The following TMEM45A variants were observed in gnomAD, a reference collection of about 807,000 sequenced individuals.
TMEM45A encodes the protein DNA polymerase-transactivated protein 4.
TMEM45A carries 25 observed loss-of-function variants against 32.0 expected under a neutral mutation model. The observed-to-expected ratio is 0.78, with a 90% CI of 0.57 to 1.09. The LOEUF (loss-of-function observed/expected upper bound fraction) is 1.09, where lower values mean the gene tolerates loss of function less well. Among genes scored for constraint, TMEM45A ranks in the 50% least tolerant of loss-of-function variants. TMEM45A has a pLI of 0.00. For synonymous variants in TMEM45A, 122 were observed against 114.8 expected (o/e 1.06, Z -0.40); for missense variants, 302 against 325.0 (o/e 0.93, Z 0.54).
At chr3:100,573,556 A>T (rs1467853404) in intron 5 of TMEM45A, 1 of 152,188 alleles carries the variant, frequency 6.6e-6, no homozygotes, top group Non-Finnish European at 1.5e-5. Flanking sequence ...AACAGGGACA[A>T]TTTGACCTCC....
rs1491524207 is a variant in TMEM45A at position 100,539,508 on chromosome 3, C to CGTATACGTATA, written c.-3-15700_-3-15690dup. 3.4e-4 allele frequency among the ~76,000 whole-genome samples: 28 copies of CGTATACGTATA among 82,784 alleles called. 1 individual carries two copies. The highest frequency in any genetic ancestry group is 1.5e-3 in the Admixed American group (11 of 7,330). 54.3% of individuals were successfully genotyped at this position (82,784 alleles called of 152,430 possible). ...ATGTATATGTATACGTATACGTATA[C>CGTATACGTATA]GTATACGTATATGTGGGGAACCATT... is the stretch of plus-strand genomic sequence containing the variant. On this transcript the variant is annotated intron_variant, in intron 1 of 5. Coordinates refer to ENST00000323523, the MANE Select transcript of TMEM45A (RefSeq NM_018004.3).
intron 1 of TMEM45A, among the ~76,000 whole-genome samples, chr3:100,531,211 A>G (rs972526269): frequency 1.3e-5 from 2 of 152,054 alleles, no homozygotes; most frequent in Admixed American, 6.6e-5. Context: ...AGTTTTTCCT[A>G]ATTATTTATC....
rs548516441 is a variant in TMEM45A at position 100,505,900 on chromosome 3, A to G, written c.-4+12972A>G. Among the ~76,000 whole-genome samples the G allele has an allele frequency of 5.7e-4, 87 of 152,256 alleles. No individual in the cohort carries two copies. The Middle Eastern group carries it at 0.014, about 24-fold the overall frequency. On this transcript the variant is annotated intron_variant, in intron 1 of 5. Transcript: ENST00000323523. ...AACTCAAGTGCAATTCAGACTCCCA[A>G]TTTGAGGAGAAGGTGTGAAGAGGCT... is the stretch of plus-strand genomic sequence containing the variant.
At position 100,555,194 on chromosome 3, in the gene TMEM45A, T is replaced by C. The variant is rs1028393183; in HGVS notation, c.-3-15T>C. 1.3e-6 allele frequency: 2 copies of C among 1,581,364 alleles called. No homozygotes were observed. Among genetic ancestry groups the C allele is most frequent in the Admixed American group, 3.7e-5 (2 of 53,514 alleles). On this transcript the variant is annotated splice_polypyrimidine_tract_variant and intron_variant, in intron 1 of 5. Transcript: ENST00000323523. ...TGAAATGTCTTTTACTTTCTGTGTG[T>C]TCTTATATTTGTAGATCATGGGGAA...
chr3:100,496,052 C>T (rs761343231), intron 1 of TMEM45A, among the ~76,000 whole-genome samples: 1 of 152,184 alleles, frequency 6.6e-6, no homozygotes, highest in Admixed American at 6.5e-5. Flanking sequence ...GCTTTCTCTT[C>T]CCTGAGAGCA....
At chr3:100,532,784 G>A (rs182985760) in intron 1 of TMEM45A, among the ~76,000 whole-genome samples, 1 of 152,084 alleles carries the variant, frequency 6.6e-6, no homozygotes, top group Non-Finnish European at 1.5e-5. Flanking sequence ...GTTTGACCTG[G>A]GCAAGTTTTT....
At chr3:100,550,194 A>AT (rs1224218313) in intron 1 of TMEM45A, among the ~76,000 whole-genome samples, 2 of 114,070 alleles carry the variant, frequency 1.8e-5, no homozygotes, top group African/African-American at 6.3e-5. Flanking sequence ...TTAAAGCATA[A>AT]TAAAAAAAAA....
At chr3:100,563,470 C>T (rs952808227) in intron 4 of TMEM45A, among the ~76,000 whole-genome samples, 13 of 152,292 alleles carry the variant, frequency 8.5e-5, no homozygotes, top group South Asian at 2.1e-4. Context: ...CTTCCCAGAT[C>T]GCAGGTCATG....
intron 1 of TMEM45A, among the ~76,000 whole-genome samples, chr3:100,550,084 T>C (rs1406527631): frequency 2.7e-5 from 4 of 145,794 alleles, no homozygotes; most frequent in African/African-American, 7.5e-5. Context: ...TTGGGAGATA[T>C]ACCTAATGCT....
At chr3:100,514,352 C>T (rs1395347188) in intron 1 of TMEM45A, among the ~76,000 whole-genome samples, 1 of 152,030 alleles carries the variant, frequency 6.6e-6, no homozygotes, top group Non-Finnish European at 1.5e-5. Context: ...CTTTGACAAA[C>T]CTGAGAAAAA....
chr3:100,546,245 G>T (rs1175455492), intron 1 of TMEM45A, among the ~76,000 whole-genome samples: 10 of 152,220 alleles, frequency 6.6e-5, no homozygotes. Flanking sequence ...GGGCAGCTTT[G>T]CTGACACCTT....
At chr3:100,536,765 G>T (rs1705746621) in intron 1 of TMEM45A, among the ~76,000 whole-genome samples, 1 of 152,172 alleles carries the variant, frequency 6.6e-6, no homozygotes. Flanking sequence ...GTCTCACATT[G>T]TCCCTTTCGA....
intron 1 of TMEM45A, 56 bp downstream of exon 1, chr3:100,492,984 G>A (rs943076148): frequency 6.6e-6 from 1 of 152,132 alleles, no homozygotes; most frequent in Admixed American, 6.5e-5. Context: ...TCTCTATCCT[G>A]TGTCTTTTTA....
At chr3:100,504,274 G>C (rs1708051072) in intron 1 of TMEM45A, among the ~76,000 whole-genome samples, 2 of 151,830 alleles carry the variant, frequency 1.3e-5, no homozygotes, top group African/African-American at 4.8e-5. Flanking sequence ...GTCTTGCTTG[G>C]ATATCGCCAC....
intron 1 of TMEM45A, among the ~76,000 whole-genome samples, chr3:100,496,597 A>G (rs1707932367): frequency 6.6e-6 from 1 of 152,234 alleles, no homozygotes. Context: ...ATTTGGAGAT[A>G]TTGATTTGGT....
At chr3:100,512,911 C>A (rs1376951348) in intron 1 of TMEM45A, among the ~76,000 whole-genome samples, 1 of 151,866 alleles carries the variant, frequency 6.6e-6, no homozygotes, top group Non-Finnish European at 1.5e-5. Context: ...TACACTCTCC[C>A]AAGACTAAAC....
chr3:100,565,032 G>T (rs1386118580), intron 4 of TMEM45A, among the ~76,000 whole-genome samples: 2 of 152,210 alleles, frequency 1.3e-5, no homozygotes, highest in Non-Finnish European at 2.9e-5. Context: ...GGTGAAAAGA[G>T]TATGGGTGGG....
intron 1 of TMEM45A, among the ~76,000 whole-genome samples, chr3:100,533,194 C>A (rs922632679): frequency 1.5e-4 from 23 of 151,882 alleles, no homozygotes; most frequent in African/African-American, 5.6e-4. Flanking sequence ...AGATAGGGGA[C>A]CCATGGTTTC....
In TMEM45A at chr3:100,577,048, AAC is replaced by A; in HGVS notation, c.*31_*32del. On this transcript the variant is annotated 3_prime_UTR_variant, in exon 6 of 6. Transcript: ENST00000323523. ...GATGAGCTTCCAGTTTTTCTAGATA[AAC>A]CTTTTCTTTTTTACATTGTTCTTGG... The A allele has an allele frequency of 6.4e-7, 1 of 1,560,128 alleles. No individual in the cohort carries two copies. Among genetic ancestry groups the A allele is most frequent in the Admixed American group, 1.8e-5 (1 of 56,930 alleles).
Sources: gnomAD v4.1 joint callset for allele counts (sites outside exome capture counted in the v4.1 genomes callset) on GRCh38, gnomAD v4.1.1 for gene constraint, MANE v1.5 for transcripts, NCBI Gene and HGNC (gene_info 2026-07-23, HGNC 2026-07-21) for gene names.